Variants in MYL2 observed in about 807,000 individuals in gnomAD.
The protein encoded by MYL2 is myosin regulatory light chain 2, ventricular/cardiac muscle isoform.
A neutral mutation model predicts 23.0 loss-of-function variants in MYL2; 19 were observed. The ratio of observed to expected loss-of-function variants is 0.83; its 90% CI spans 0.58 to 1.21. The LOEUF (loss-of-function observed/expected upper bound fraction) is 1.21. Ranked by LOEUF, MYL2 falls within the 50% of genes most tolerant of loss-of-function variation. The probability of loss-of-function intolerance (pLI) is 0.00; values close to 1 mark genes in which losing one functional copy is unlikely to be tolerated. For missense variants in MYL2, 180 were observed against 215.1 expected, an observed-to-expected ratio of 0.84 and a Z score of 1.02; for synonymous variants, 78 against 76.2, an observed-to-expected ratio of 1.02 and a Z score of -0.13.
intron 1 of MYL2, among the ~76,000 whole-genome samples, 157 bp from the exon 2 acceptor site, chr12:110,919,350 T>C (rs1000835312): frequency 1.3e-5 from 2 of 152,198 alleles, no homozygotes; most frequent in Non-Finnish European, 2.9e-5. Context: ...CAAACGGTGA[T>C]GCTGGAGGGA....
At chr12:110,915,966 C>G (rs1035739012) in intron 2 of MYL2, among the ~76,000 whole-genome samples, 176 bp from the exon 3 acceptor site, 4 of 152,190 alleles carry the variant, frequency 2.6e-5, no homozygotes, top group African/African-American at 9.6e-5. Flanking sequence ...AACGTCAGGC[C>G]TCGTGTTATC....
At chr12:110,920,126 A>C (rs546215033) in intron 1 of MYL2, among the ~76,000 whole-genome samples, 36 of 152,330 alleles carry the variant, frequency 2.4e-4, no homozygotes, top group Non-Finnish European at 4.6e-4. Context: ...GCACAGAAAG[A>C]AAGGTTTTAA....
intron 5 of MYL2, 50 bp from the exon 6 acceptor site, chr12:110,913,194 G>T (rs779323832): frequency 6.2e-7 from 1 of 1,610,096 alleles, no homozygotes; most frequent in Non-Finnish European, 8.5e-7. Context: ...GTGTGTAGGG[G>T]GGACAGGGGG....
chr12:110,915,887 T>C (rs1286174969), intron 2 of MYL2, 97 bp from the exon 3 acceptor site: 4 of 940,062 alleles, frequency 4.3e-6, no homozygotes, highest in South Asian at 1.3e-5. Context: ...GATTCTGGGA[T>C]CTTCAAAGAT....
intron 3 of MYL2, 32 bp from the exon 4 acceptor site, chr12:110,914,322 G>A (rs766341489): frequency 1.4e-5 from 21 of 1,497,246 alleles, no homozygotes; most frequent in South Asian, 3.4e-5. Context: ...CAGGGACTCC[G>A]AGCTGGGGAG....
chr12:110,916,001 A>G (rs2071685923), intron 2 of MYL2, among the ~76,000 whole-genome samples: 1 of 152,200 alleles, frequency 6.6e-6, no homozygotes, highest in South Asian at 2.1e-4. Flanking sequence ...TTCCACTGCT[A>G]GATATATACC....
chr12:110,913,232 C>T lies in MYL2; in HGVS notation c.353+14G>A. 3.7e-6 allele frequency: 6 copies of T among 1,614,080 alleles called. No individual in the cohort carries two copies. The highest frequency in any genetic ancestry group is 5.1e-6 in the Non-Finnish European group (6 of 1,179,992). On this transcript the variant is annotated intron_variant, in intron 5 of 6. Transcript: ENST00000228841. ...AGCAGGGAACCCCCTTCCTCCCCCA[C>T]AGACCCCACTCACTAATCAGCCTTC... is the stretch of plus-strand genomic sequence containing the variant.
intron 3 of MYL2, 108 bp from the exon 4 acceptor site, chr12:110,914,398 C>A (rs2136772572): frequency 1.3e-6 from 1 of 774,368 alleles, no homozygotes; most frequent in East Asian, 2.6e-5. Context: ...GTCTAGAAAT[C>A]ATCAGAGATG....
chr12:110,918,522 GTTGTT>G lies in MYL2; in HGVS notation c.93+577_93+581del, dbSNP rs1566150230. ...GCCTGTTTTTAGTTCTTTTGTTGTT[GTTGTT>G]TTAAGTTCCTTTGACCCAGCAGTTC... On this transcript the variant is annotated intron_variant, in intron 2 of 6. Coordinates refer to ENST00000228841, the MANE Select transcript of MYL2 (RefSeq NM_000432.4). This position sits in a 1 kb window ranked among gnomAD's most constrained non-coding sequence, Gnocchi z 4.4. Among the ~76,000 whole-genome samples the G allele has an allele frequency of 6.6e-6, 1 of 152,108 alleles. No homozygotes were observed. The highest frequency in any genetic ancestry group is 1.5e-5 in the Non-Finnish European group (1 of 68,014).
Position 110,911,057 on chromosome 12 carries a change from G to A in MYL2, c.*20C>T, listed in dbSNP as rs1050481675. 22 of 1,607,262 alleles carry A rather than the reference G, an allele frequency of 1.4e-5. No individual in the cohort carries two copies. The highest frequency in any genetic ancestry group is 1.9e-5 in the Non-Finnish European group (22 of 1,173,884). On this transcript the variant is annotated 3_prime_UTR_variant, in exon 7 of 7. Coordinates refer to ENST00000228841, the MANE Select transcript of MYL2 (RefSeq NM_000432.4). Reference sequence around the variant, plus strand: ...ACCACTCTGCAAAGACGAGCCCAGGGCGCAGCAGCGAGCCCCCTCCTAGTC... The same window carrying A: ...ACCACTCTGCAAAGACGAGCCCAGGACGCAGCAGCGAGCCCCCTCCTAGTC...
intron 3 of MYL2, among the ~76,000 whole-genome samples, chr12:110,914,892 T>C (rs1389761952): frequency 6.6e-6 from 1 of 152,182 alleles, no homozygotes; most frequent in African/African-American, 2.4e-5. Context: ...TTCACTCAAA[T>C]GGGAAAGGCT....
upstream of MYL2, chr12:110,920,709 A>G: frequency 2.3e-6 from 2 of 868,770 alleles, no homozygotes; most frequent in Non-Finnish European, 3.7e-6. Flanking sequence ...GTTCTTCTGA[A>G]GTAAGGGTGG....
chr12:110,911,219 ACTGAGACGGAGGGT>A, intron 6 of MYL2, 44 bp from the exon 7 acceptor site: 1 of 591,042 alleles, frequency 1.7e-6, no homozygotes, highest in Non-Finnish European at 2.9e-6. Flanking sequence ...GGGGAGGGGA[ACTGAGACGGAGGGT>A]GGGGGGCTGT....
chr12:110,916,360 A>T (rs1276426418), intron 2 of MYL2, among the ~76,000 whole-genome samples: 3 of 152,182 alleles, frequency 2.0e-5, no homozygotes, highest in Admixed American at 1.3e-4. Flanking sequence ...AAAACAAAAA[A>T]ACCTGAACAC....
rs1379828170 is a variant in MYL2, at chr12:110,918,083, A to T, written c.93+1021T>A. Among the ~76,000 whole-genome samples, 4 of 152,216 alleles carry T rather than the reference A, an allele frequency of 2.6e-5. No homozygotes were observed. Among genetic ancestry groups the T allele is most frequent in the Non-Finnish European group, 5.9e-5 (4 of 68,046 alleles). On this transcript the variant is annotated intron_variant, in intron 2 of 6. Coordinates refer to ENST00000228841, the MANE Select transcript of MYL2 (RefSeq NM_000432.4). The surrounding 1 kb of genome is among the most constrained non-coding windows in gnomAD (Gnocchi z 4.4). ...GGGTGACAGAGCGAGACTCTGTCAC[A>T]CGCACAAAAAAAGAAAGCAGTCTGG...
chr12:110,911,161 G>C lies in MYL2; in HGVS notation c.417C>G (p.Phe139Leu), dbSNP rs781107246. Residue 139 changes from phenylalanine (F) to leucine (L), a missense_variant, in exon 7 of 7, where the codon TTC (phenylalanine) becomes TTG (leucine). Transcript: ENST00000228841. ...CAGTCACGTCAGGGGGGAAGGCGGC[G>C]AACATCTGGTCAACCTGCAATGAGC... ...RFSKEEVDQM[F>L]AAFPPDVTGN... The C allele has an allele frequency of 6.4e-7, 1 of 1,552,112 alleles. No individual in the cohort carries two copies. The highest frequency in any genetic ancestry group is 8.8e-7 in the Non-Finnish European group (1 of 1,141,608).
rs3216888 is a variant in MYL2 at position 110,915,516 on chromosome 12, GA to G, written c.169+198del. ...ATCACACAAAAAAGTTATTTCAAGA[GA>G]AAAAAAAGATATCTGAAGGTACTCA... On this transcript the variant is annotated intron_variant, in intron 3 of 6. Transcript: ENST00000228841. Among the ~76,000 whole-genome samples the G allele has an allele frequency of 0.12, 18,447 of 151,732 alleles. 1,376 individuals are homozygous for G. Among genetic ancestry groups the G allele is most frequent in the East Asian group, 0.21 (1,096 of 5,160 alleles).
chr12:110,914,122 G>A (rs2071672813), intron 4 of MYL2, 64 bp downstream of exon 4: 1 of 1,253,110 alleles, frequency 8.0e-7, no homozygotes, highest in African/African-American at 1.5e-5. Context: ...ACCATCTTCT[G>A]CCAGCCCCCC....
At chr12:110,920,209 A>G (rs2071711962) in intron 1 of MYL2, among the ~76,000 whole-genome samples, 1 of 152,226 alleles carries the variant, frequency 6.6e-6, no homozygotes, top group Non-Finnish European at 1.5e-5. Flanking sequence ...AAGAATTACA[A>G]TTTGATCCTT....
Sources: allele counts gnomAD v4.1 joint callset (sites outside exome capture counted in the v4.1 genomes callset), GRCh38; gene constraint gnomAD v4.1.1; non-coding constraint Gnocchi (gnomAD v3.1); transcripts MANE v1.5; gene names NCBI Gene and HGNC (gene_info 2026-07-23, HGNC 2026-07-21).